Variants in GULP1 observed in about 807,000 individuals in gnomAD.
The protein encoded by GULP1 is GULP PTB domain containing engulfment adaptor 1, also known as PTB domain-containing engulfment adapter protein 1.
GULP1 carries 19 observed loss-of-function variants against 40.9 expected under a neutral mutation model. The ratio of observed to expected loss-of-function variants is 0.46; its 90% CI spans 0.32 to 0.68. The LOEUF is 0.68. Ranked by LOEUF, GULP1 falls within the 30% of genes least tolerant of loss-of-function variation. The probability of loss-of-function intolerance (pLI) is 0.03; values close to 1 mark genes in which losing one functional copy is unlikely to be tolerated. For missense variants in GULP1, 312 were observed against 362.2 expected (o/e 0.86, Z 1.12); for synonymous variants, 119 against 117.6 (o/e 1.01, Z -0.08).
chr2:188,541,635 T>C, intron 7 of GULP1: 1 of 517,350 alleles, frequency 1.9e-6, no homozygotes, highest in Non-Finnish European at 3.4e-6. Context: ...AACTCAAATA[T>C]GATTTAGTAT....
chr2:188,389,482 T>C (rs13388461), intron 2 of GULP1, among the ~76,000 whole-genome samples: 1 of 152,146 alleles, frequency 6.6e-6, no homozygotes, highest in Non-Finnish European at 1.5e-5. Flanking sequence ...GTCACAAAAA[T>C]GGATATATGT....
At chr2:188,309,450 A>T (rs1181725055) in intron 1 of GULP1, among the ~76,000 whole-genome samples, 1 of 152,202 alleles carries the variant, frequency 6.6e-6, no homozygotes, top group Non-Finnish European at 1.5e-5. Context: ...TGGGCAATAG[A>T]GCGAGACCCT....
intron 1 of GULP1, among the ~76,000 whole-genome samples, chr2:188,373,353 T>G (rs1300831865): frequency 2.6e-5 from 4 of 151,934 alleles, no homozygotes; most frequent in Non-Finnish European, 5.9e-5. Context: ...ATAGTTGATA[T>G]TTAGAGATAC....
chr2:188,327,888 A>T (rs757335578), intron 1 of GULP1, among the ~76,000 whole-genome samples: 2 of 152,172 alleles, frequency 1.3e-5, no homozygotes, highest in Non-Finnish European at 2.9e-5. Context: ...AAATTAGTTC[A>T]GTGTATAATG....
chr2:188,350,509 A>G (rs1041663032), intron 1 of GULP1, among the ~76,000 whole-genome samples: 10 of 152,036 alleles, frequency 6.6e-5, no homozygotes, highest in African/African-American at 2.4e-4. Flanking sequence ...GTGTGTAGAA[A>G]TATAACTGAT....
intron 4 of GULP1, among the ~76,000 whole-genome samples, chr2:188,498,611 C>A (rs950670153): frequency 1.3e-5 from 2 of 151,870 alleles, no homozygotes; most frequent in Admixed American, 1.3e-4. Flanking sequence ...GTTTCACTAT[C>A]CTCAAAGGAA....
At chr2:188,505,173 C>T (rs114703894) in intron 4 of GULP1, among the ~76,000 whole-genome samples, 4,217 of 151,790 alleles carry the variant, frequency 0.028, 121 homozygotes, top group African/African-American at 0.062. Context: ...CTTATTGCTG[C>T]TTCTTACTCT....
At chr2:188,376,953 C>A (rs2048364680) in intron 1 of GULP1, among the ~76,000 whole-genome samples, 1 of 152,152 alleles carries the variant, frequency 6.6e-6, no homozygotes, top group Non-Finnish European at 1.5e-5. Context: ...GCTGACAGAT[C>A]ATGAGGTCAG....
At chr2:188,339,435 A>C (rs1370727875) in intron 1 of GULP1, among the ~76,000 whole-genome samples, 1 of 152,170 alleles carries the variant, frequency 6.6e-6, no homozygotes, top group Non-Finnish European at 1.5e-5. Flanking sequence ...CTTTGGATGG[A>C]AAATTCTCAC....
chr2:188,526,670 A>G (rs1299065933), intron 5 of GULP1, among the ~76,000 whole-genome samples: 4 of 152,180 alleles, frequency 2.6e-5, no homozygotes, highest in African/African-American at 9.6e-5. Flanking sequence ...AACCTTAGGC[A>G]TGAGAGTTGT....
intron 4 of GULP1, among the ~76,000 whole-genome samples, chr2:188,496,332 T>G (rs1042481954): frequency 6.6e-6 from 1 of 152,066 alleles, no homozygotes; most frequent in African/African-American, 2.4e-5. Flanking sequence ...CTTGGTTACA[T>G]GTCTGTTTTT....
chr2:188,315,149 C>T (rs1164756818), intron 1 of GULP1, among the ~76,000 whole-genome samples: 2 of 152,104 alleles, frequency 1.3e-5, no homozygotes, highest in Non-Finnish European at 2.9e-5. Context: ...GAAAACTAAT[C>T]TTCAATCCAT....
chr2:188,471,829 TTC>T (rs1014519332), intron 2 of GULP1, among the ~76,000 whole-genome samples: 1 of 152,190 alleles, frequency 6.6e-6, no homozygotes, highest in Non-Finnish European at 1.5e-5. Context: ...TGTCACAGTA[TTC>T]TGTTTTTCTG....
At chr2:188,394,380 T>C (rs1291942770) in intron 2 of GULP1, among the ~76,000 whole-genome samples, 1 of 152,134 alleles carries the variant, frequency 6.6e-6, no homozygotes, top group Admixed American at 6.5e-5. Context: ...GACTTTCAGG[T>C]TGGGTTTTCT....
intron 2 of GULP1, among the ~76,000 whole-genome samples, chr2:188,474,208 AG>A (rs2060822788): frequency 6.6e-6 from 1 of 152,138 alleles, no homozygotes; most frequent in Non-Finnish European, 1.5e-5. Context: ...AATGGAAAGA[AG>A]GGGTCTCTTT....
At chr2:188,314,222 G>T (rs1452398828) in intron 1 of GULP1, among the ~76,000 whole-genome samples, 3 of 151,998 alleles carry the variant, frequency 2.0e-5, no homozygotes, top group Non-Finnish European at 4.4e-5. Context: ...GGTCACTTTG[G>T]TGAGAAAAAT....
intron 4 of GULP1, among the ~76,000 whole-genome samples, chr2:188,520,910 T>C (rs1043283797): frequency 1.3e-5 from 2 of 152,178 alleles, no homozygotes; most frequent in African/African-American, 2.4e-5. Context: ...AAATCAAAAC[T>C]CTAATTTCCT....
At chr2:188,337,421 T>C (rs947641524) in intron 1 of GULP1, among the ~76,000 whole-genome samples, 7 of 150,240 alleles carry the variant, frequency 4.7e-5, no homozygotes, top group African/African-American at 1.7e-4. Flanking sequence ...ATTACAGATG[T>C]GAGCCACCGC....
intron 1 of GULP1, among the ~76,000 whole-genome samples, chr2:188,348,914 T>C (rs1171315228): frequency 6.6e-6 from 1 of 152,198 alleles, no homozygotes; most frequent in Non-Finnish European, 1.5e-5. Flanking sequence ...TTTGCAAACA[T>C]TGAAAAGTAA....
Sources: gnomAD v4.1 joint callset for allele counts (sites outside exome capture counted in the v4.1 genomes callset) on GRCh38, gnomAD v4.1.1 for gene constraint, MANE v1.5 for transcripts, NCBI Gene and HGNC (gene_info 2026-07-23, HGNC 2026-07-21) for gene names.